The following RAPGEF1 variants were observed in gnomAD, a reference collection of about 807,000 sequenced individuals.
RAPGEF1 encodes Rap guanine nucleotide exchange factor 1.
In RAPGEF1, 33 loss-of-function variants were observed where a neutral mutation model predicts 143.3. That is an observed-to-expected ratio of 0.23 (90% CI 0.17 to 0.31). The LOEUF (loss-of-function observed/expected upper bound fraction) is 0.31, where lower values mean the gene tolerates loss of function less well. Among genes scored for constraint, RAPGEF1 ranks in the 10% least tolerant of loss-of-function variants. The pLI, the probability that RAPGEF1 is intolerant of heterozygous loss-of-function variation, is 1.00. For missense variants in RAPGEF1, 1,199 were observed against 1,645.4 expected (o/e 0.73, Z 4.69); for synonymous variants, 629 against 676.5 (o/e 0.93, Z 1.09).
At chr9:131,671,535 C>A (rs1318328756) in intron 1 of RAPGEF1, among the ~76,000 whole-genome samples, 1 of 152,234 alleles carries the variant, frequency 6.6e-6, no homozygotes, top group Admixed American at 6.5e-5. Context: ...TCTGGGGGCA[C>A]TGGAATGCAG....
chr9:131,657,013 G>A (rs1163505672), intron 1 of RAPGEF1, among the ~76,000 whole-genome samples: 1 of 152,216 alleles, frequency 6.6e-6, no homozygotes, highest in Non-Finnish European at 1.5e-5. Context: ...TCTCAACGCT[G>A]GAAATCGAGG....
At chr9:131,656,498 G>A (rs1588825185) in intron 1 of RAPGEF1, among the ~76,000 whole-genome samples, 1 of 152,230 alleles carries the variant, frequency 6.6e-6, no homozygotes, top group South Asian at 2.1e-4. Context: ...CTGTTGAGTA[G>A]GACTGAAGCA....
At chr9:131,642,654 TTC>T (rs1231566437) in intron 4 of RAPGEF1, among the ~76,000 whole-genome samples, 1 of 152,182 alleles carries the variant, frequency 6.6e-6, no homozygotes, top group African/African-American at 2.4e-5. Flanking sequence ...ATAGGGTCCC[TTC>T]TCTCTCTCCC....
At chr9:131,582,734 G>A in intron 24 of RAPGEF1, 32 bp from the exon 25 acceptor site, 3 of 1,533,372 alleles carry the variant, frequency 2.0e-6, no homozygotes, top group Non-Finnish European at 2.6e-6. Context: ...GGACCGGACA[G>A]GGGTGAGCGA....
chr9:131,586,759 G>A (rs368122454), intron 22 of RAPGEF1, among the ~76,000 whole-genome samples: 2 of 77,528 alleles, frequency 2.6e-5, no homozygotes, highest in Non-Finnish European at 4.7e-5. Context: ...GCGAGACTCC[G>A]TCTCACACAC....
At chr9:131,684,661 CAG>C (rs1833184916) in intron 1 of RAPGEF1, among the ~76,000 whole-genome samples, 1 of 152,174 alleles carries the variant, frequency 6.6e-6, no homozygotes, top group African/African-American at 2.4e-5. Context: ...GCTGCAAAGA[CAG>C]AAGCAGAACA....
rs1832104632 is a variant in RAPGEF1 at position 131,675,161 on chromosome 9, T to TG, written c.62-24213dup. On this transcript the variant is annotated intron_variant, in intron 1 of 26. Transcript: ENST00000683357. This position sits in a 1 kb window ranked among gnomAD's most constrained non-coding sequence, Gnocchi z 4.6. ...AGAAGCTGGTGAGATTTGCTGCACT[T>TG]GGCTAGATTTGCTGCACTTGGCTGG... Among the ~76,000 whole-genome samples, 1 of 151,940 alleles carries TG rather than the reference T, an allele frequency of 6.6e-6. No individual in the cohort carries two copies. The highest frequency in any genetic ancestry group is 1.5e-5 in the Non-Finnish European group (1 of 67,980).
chr9:131,604,142 T>C (rs1324369554), intron 13 of RAPGEF1, 89 bp from the exon 14 acceptor site: 2 of 775,548 alleles, frequency 2.6e-6, no homozygotes, highest in Non-Finnish European at 3.9e-6. Flanking sequence ...CAGCCTGCAC[T>C]CTGGTCTTCC....
chr9:131,671,148 G>A (rs1831310133), intron 1 of RAPGEF1, among the ~76,000 whole-genome samples: 1 of 152,218 alleles, frequency 6.6e-6, no homozygotes, highest in Non-Finnish European at 1.5e-5. Flanking sequence ...AGAATCCTCA[G>A]AGCAGGAAAT....
chr9:131,602,141 C>G lies in RAPGEF1; in HGVS notation c.2421G>C (p.Pro807=), dbSNP rs760900159. Residue 807 remains proline, a synonymous_variant, in exon 15 of 27, where the codon CCG becomes CCC. Transcript: ENST00000683357. ...EELAPSRGEP[P]AGKDGHPRDP... ...CTCTGGGATGTCCGTCTTTCCCAGCCGGTGGCTCCTGGAAAGAGGAGTGGG... is the reference window on the plus strand; with the variant it reads ...CTCTGGGATGTCCGTCTTTCCCAGCGGGTGGCTCCTGGAAAGAGGAGTGGG... The G allele has an allele frequency of 6.3e-6, 10 of 1,588,306 alleles. No homozygotes were observed. The highest frequency in any genetic ancestry group is 8.6e-6 in the Non-Finnish European group (10 of 1,167,780).
chr9:131,596,837 C>T (rs892065471), intron 16 of RAPGEF1, among the ~76,000 whole-genome samples: 5 of 152,184 alleles, frequency 3.3e-5, no homozygotes, highest in Admixed American at 2.6e-4. Context: ...CTGCAGCAAG[C>T]GGCCCTACAT....
chr9:131,636,605 C>T (rs1032838530), intron 5 of RAPGEF1, among the ~76,000 whole-genome samples: 5 of 152,328 alleles, frequency 3.3e-5, no homozygotes, highest in African/African-American at 1.2e-4. Flanking sequence ...TTGTGAACAT[C>T]TCATCAGAAT....
chr9:131,693,378 G>T (rs778766862), intron 1 of RAPGEF1, among the ~76,000 whole-genome samples: 9 of 152,060 alleles, frequency 5.9e-5, no homozygotes, highest in Non-Finnish European at 7.4e-5. Flanking sequence ...AAACCAAAAT[G>T]GTGTCACTCA....
intron 25 of RAPGEF1, among the ~76,000 whole-genome samples, chr9:131,580,739 C>A (rs1054652877): frequency 6.6e-6 from 1 of 151,996 alleles, no homozygotes; most frequent in Non-Finnish European, 1.5e-5. Context: ...AACCAGGGGG[C>A]AGGGGCAGAG....
intron 15 of RAPGEF1, among the ~76,000 whole-genome samples, chr9:131,600,343 G>A (rs541761605): frequency 1.3e-5 from 2 of 152,176 alleles, no homozygotes; most frequent in Non-Finnish European, 2.9e-5. Context: ...GGGGTCCAGT[G>A]AAGCTAGTGG....
chr9:131,701,450 T>A (rs1479833779), intron 1 of RAPGEF1, among the ~76,000 whole-genome samples: 2 of 152,222 alleles, frequency 1.3e-5, no homozygotes, highest in Non-Finnish European at 2.9e-5. Context: ...TAGTTACATG[T>A]CAACTGCTCC....
At chr9:131,602,997 G>A (rs544918679) in intron 14 of RAPGEF1, among the ~76,000 whole-genome samples, 207 of 152,362 alleles carry the variant, frequency 1.4e-3, no homozygotes, top group African/African-American at 4.8e-3. Flanking sequence ...TTCACCATGG[G>A]GAGGCTGAGC....
intron 4 of RAPGEF1, among the ~76,000 whole-genome samples, chr9:131,639,357 G>C (rs1967094773): frequency 6.6e-6 from 1 of 152,108 alleles, no homozygotes; most frequent in African/African-American, 2.4e-5. Context: ...GCGCACGAAT[G>C]AAGACTATTT....
In RAPGEF1 at chr9:131,629,056, T is replaced by G. The variant is rs148989642; in HGVS notation, c.893+46A>C. ...CGAGCCCTGTCTTCCTCCCTTTCTT[T>G]CTCATTCTGCCATGGGAGGCACTGG... On this transcript the variant is annotated intron_variant, in intron 7 of 26. Coordinates refer to ENST00000683357, the MANE Select transcript of RAPGEF1 (RefSeq NM_001377935.1). 5,637 of 1,583,696 alleles carry G rather than the reference T, an allele frequency of 3.6e-3. 12 individuals are homozygous for G. The highest frequency in any genetic ancestry group is 4.4e-3 in the Non-Finnish European group (5,172 of 1,162,928).
Sources: gnomAD v4.1 joint callset for allele counts (sites outside exome capture counted in the v4.1 genomes callset) on GRCh38, gnomAD v4.1.1 for gene constraint, Gnocchi (gnomAD v3.1) non-coding constraint, MANE v1.5 for transcripts, NCBI Gene and HGNC (gene_info 2026-07-23, HGNC 2026-07-21) for gene names.